The following ANAPC10 variants were observed in gnomAD, a reference collection of about 807,000 sequenced individuals.
ANAPC10 encodes the protein anaphase-promoting complex subunit 10.
A neutral mutation model predicts 22.0 loss-of-function variants in ANAPC10; 12 were observed. That is an observed-to-expected ratio of 0.55 (90% CI 0.35 to 0.88). The LOEUF (loss-of-function observed/expected upper bound fraction) is 0.88, where lower values mean the gene tolerates loss of function less well. Ranked by LOEUF, ANAPC10 falls within the 40% of genes least tolerant of loss-of-function variation. ANAPC10 has a pLI of 0.01. For synonymous variants in ANAPC10, 65 were observed against 69.5 expected (o/e 0.94, Z 0.32); for missense variants, 188 against 220.9 (o/e 0.85, Z 0.94).
rs560235060 is a variant in ANAPC10 at position 145,020,715 on chromosome 4, C to CA, written c.328-25113dup. On this transcript the variant is annotated intron_variant, in intron 4 of 4. Transcript: ENST00000507656. ...TCCTCCAGAAAGCTCCTAGAACTGA[C>CA]AAAAGAATTCAGTAAAGTTTCCAGA... is the stretch of plus-strand genomic sequence containing the variant. Among the ~76,000 whole-genome samples the CA allele has an allele frequency of 8.0e-4, 121 of 151,974 alleles. 1 individual carries two copies. The highest frequency in any genetic ancestry group is 2.8e-3 in the African/African-American group (116 of 41,520).
At chr4:145,039,878 G>A (rs1350054630) in intron 4 of ANAPC10, among the ~76,000 whole-genome samples, 3 of 152,100 alleles carry the variant, frequency 2.0e-5, no homozygotes, top group African/African-American at 7.2e-5. Context: ...ACAGGCGTAA[G>A]TCACTGTACT....
intron 3 of ANAPC10, among the ~76,000 whole-genome samples, chr4:145,069,393 C>T (rs1744168029): frequency 6.6e-6 from 1 of 152,266 alleles, no homozygotes; most frequent in Admixed American, 6.5e-5. Flanking sequence ...CATTCTATGC[C>T]TGAACACAAT....
chr4:145,072,813 T>A (rs1744671253), intron 3 of ANAPC10, among the ~76,000 whole-genome samples: 1 of 152,166 alleles, frequency 6.6e-6, no homozygotes, highest in Admixed American at 6.5e-5. Context: ...TAAAGTCCAA[T>A]GAATATCTAG....
chr4:145,077,274 T>C (rs1022544294), intron 3 of ANAPC10, among the ~76,000 whole-genome samples: 2 of 152,054 alleles, frequency 1.3e-5, no homozygotes, highest in East Asian at 1.9e-4. Context: ...CTGAGAAATA[T>C]GAGATTATGT....
chr4:145,039,667 G>C (rs1739203402), intron 4 of ANAPC10, among the ~76,000 whole-genome samples: 1 of 151,876 alleles, frequency 6.6e-6, no homozygotes, highest in South Asian at 2.1e-4. Flanking sequence ...AGATCTTGGA[G>C]CACTGCAACC....
At chr4:145,017,469 A>C (rs1401137283) in intron 4 of ANAPC10, among the ~76,000 whole-genome samples, 3 of 152,204 alleles carry the variant, frequency 2.0e-5, no homozygotes, top group African/African-American at 7.2e-5. Flanking sequence ...GTCAGGAAAC[A>C]ACAGGTGCTG....
intron 4 of ANAPC10, among the ~76,000 whole-genome samples, chr4:145,030,654 A>G (rs990833353): frequency 1.3e-5 from 2 of 152,186 alleles, no homozygotes; most frequent in Non-Finnish European, 2.9e-5. Context: ...AGAATGCATA[A>G]TTGGCATAGA....
Position 145,095,455 on chromosome 4 carries a change from G to A in ANAPC10, c.115+530C>T, listed in dbSNP as rs2126671967. Among the ~76,000 whole-genome samples the A allele has an allele frequency of 1.3e-5, 2 of 152,238 alleles. 1 individual carries two copies. The highest frequency in any genetic ancestry group is 4.2e-4 in the South Asian group (2 of 4,814). On this transcript the variant is annotated intron_variant, in intron 2 of 4. Transcript: ENST00000507656. ...CACTGTGTATACTACCTGACCGTTA[G>A]CCATCAACATCATCTGCTCCTGATA...
intron 4 of ANAPC10, among the ~76,000 whole-genome samples, chr4:145,016,037 G>A (rs1185924223): frequency 1.3e-5 from 2 of 152,242 alleles, no homozygotes; most frequent in African/African-American, 4.8e-5. Context: ...AAAACTGGAA[G>A]CATTCCCTTT....
rs201301796 is a variant in ANAPC10 at position 145,041,279 on chromosome 4, A to G, written c.327+23293T>C. On this transcript the variant is annotated intron_variant, in intron 4 of 4. Transcript: ENST00000507656. Reference sequence around the variant, plus strand: ...TGAGAAGTAACAAATTTTATTTTACATGAATTTTTAAAATACTGAACTAAC... The same window carrying G: ...TGAGAAGTAACAAATTTTATTTTACGTGAATTTTTAAAATACTGAACTAAC... Among the ~76,000 whole-genome samples, 8 of 152,366 alleles carry G rather than the reference A, an allele frequency of 5.3e-5. No homozygotes were observed. In the East Asian group the frequency reaches 1.5e-3, roughly 29 times the overall value.
At chr4:145,075,030 T>C (rs1205691881) in intron 3 of ANAPC10, among the ~76,000 whole-genome samples, 1 of 152,176 alleles carries the variant, frequency 6.6e-6, no homozygotes, top group African/African-American at 2.4e-5. Flanking sequence ...TCCCCTATTC[T>C]GCCTACTCCC....
intron 4 of ANAPC10, among the ~76,000 whole-genome samples, chr4:145,056,953 T>C (rs1156530132): frequency 6.6e-6 from 1 of 152,170 alleles, no homozygotes; most frequent in Non-Finnish European, 1.5e-5. Context: ...GCTGTTACCA[T>C]TGCCACTTTG....
intron 3 of ANAPC10, among the ~76,000 whole-genome samples, chr4:145,068,661 C>A (rs1184000803): frequency 6.6e-6 from 1 of 152,144 alleles, no homozygotes; most frequent in Non-Finnish European, 1.5e-5. Context: ...CCTGTAATCC[C>A]AGCACTTTGG....
chr4:145,078,672 A>C (rs1438861730), intron 3 of ANAPC10, among the ~76,000 whole-genome samples: 1 of 152,210 alleles, frequency 6.6e-6, no homozygotes, highest in Non-Finnish European at 1.5e-5. Flanking sequence ...CTGGTACAAA[A>C]ACAGACACAG....
intron 3 of ANAPC10, among the ~76,000 whole-genome samples, chr4:145,066,470 G>A (rs1384668933): frequency 6.6e-6 from 1 of 151,976 alleles, no homozygotes; most frequent in African/African-American, 2.4e-5. Context: ...TCACGAAGAT[G>A]GCTCTTAAGA....
chr4:145,065,722 C>T (rs753197858), intron 3 of ANAPC10, among the ~76,000 whole-genome samples: 5 of 151,766 alleles, frequency 3.3e-5, no homozygotes, highest in Non-Finnish European at 7.4e-5. Context: ...TAATCATGTA[C>T]ATATATAGTT....
chr4:145,060,212 T>C (rs1030959956), intron 4 of ANAPC10, among the ~76,000 whole-genome samples: 12 of 152,112 alleles, frequency 7.9e-5, no homozygotes, highest in African/African-American at 2.7e-4. Context: ...GAAGCATAAA[T>C]AATTTCAATT....
At chr4:145,038,700 T>C (rs1445943020) in intron 4 of ANAPC10, among the ~76,000 whole-genome samples, 4 of 151,540 alleles carry the variant, frequency 2.6e-5, no homozygotes, top group African/African-American at 9.7e-5. Flanking sequence ...TGAATGCCTG[T>C]AATCTCAGCT....
rs113083406 is a variant in ANAPC10, at chr4:145,013,633, C to A, written c.328-18030G>T. Among the ~76,000 whole-genome samples the A allele has an allele frequency of 2.3e-4, 35 of 152,166 alleles. 1 individual carries two copies. Among genetic ancestry groups the A allele is most frequent in the African/African-American group, 8.2e-4 (34 of 41,490 alleles). The stretch of plus-strand genomic sequence containing the variant: ...GGATGAACAGAGCAGCATGTGGAGG[C>A]TCATATCGTGAATTTTAGCTCCAGA... On this transcript the variant is annotated intron_variant, in intron 4 of 4. Coordinates refer to ENST00000507656, the MANE Select transcript of ANAPC10 (RefSeq NM_001256706.2).
Sources: gnomAD v4.1 joint callset for allele counts (sites outside exome capture counted in the v4.1 genomes callset) on GRCh38, gnomAD v4.1.1 for gene constraint, MANE v1.5 for transcripts, NCBI Gene and HGNC (gene_info 2026-07-23, HGNC 2026-07-21) for gene names.